Variants in PIGB observed in about 807,000 individuals in gnomAD.
PIGB encodes the protein phosphatidylinositol glycan anchor biosynthesis class B.
In PIGB, 58 loss-of-function variants were observed where a neutral mutation model predicts 68.4. The observed-to-expected ratio is 0.85, with a 90% CI of 0.69 to 1.06. The LOEUF (loss-of-function observed/expected upper bound fraction) is 1.06, where lower values mean the gene tolerates loss of function less well. Ranked by LOEUF, PIGB falls within the 50% of genes least tolerant of loss-of-function variation. PIGB has a pLI of 0.00. For synonymous variants in PIGB, 219 were observed against 220.5 expected (o/e 0.99, Z 0.06); for missense variants, 634 against 655.8 (o/e 0.97, Z 0.36).
intron 11 of PIGB, 45 bp downstream of exon 11, chr15:55,355,023 C>T (rs557521271): frequency 6.7e-7 from 1 of 1,502,692 alleles, no homozygotes; most frequent in Non-Finnish European, 9.1e-7. Flanking sequence ...TTTAATTTTA[C>T]CCCAGGTTTA....
At chr15:55,334,414 C>T (rs983680745) in intron 6 of PIGB, among the ~76,000 whole-genome samples, 7 of 152,038 alleles carry the variant, frequency 4.6e-5, no homozygotes, top group Admixed American at 1.3e-4. Context: ...ACAGGAGGCT[C>T]GCAGAAATTT....
intron 1 of PIGB, 126 bp downstream of exon 1, chr15:55,319,539 A>G (rs545394517): frequency 4.7e-5 from 31 of 658,054 alleles, no homozygotes; most frequent in African/African-American, 4.6e-4. Flanking sequence ...AATGCTGGGA[A>G]ATGCTGGAAA....
At chr15:55,328,504 A>G (rs976704332) in intron 4 of PIGB, among the ~76,000 whole-genome samples, 6 of 152,222 alleles carry the variant, frequency 3.9e-5, no homozygotes, top group Non-Finnish European at 5.9e-5. Context: ...CAGGTATTCT[A>G]TTCCTTTGCA....
intron 3 of PIGB, chr15:55,324,797 G>C (rs552926590): frequency 3.0e-6 from 3 of 985,110 alleles, no homozygotes; most frequent in South Asian, 9.4e-5. Flanking sequence ...GGGAAGTAAG[G>C]ATGAAGCTTA....
At chr15:55,348,775 C>T (rs983549526) in intron 9 of PIGB, among the ~76,000 whole-genome samples, 1 of 152,128 alleles carries the variant, frequency 6.6e-6, no homozygotes, top group African/African-American at 2.4e-5. Context: ...CTCAGGTATT[C>T]CAGTATAGCA....
chr15:55,319,379 C>G lies in PIGB; in HGVS notation c.129C>G (p.Phe43Leu). 1 of 1,554,000 alleles carries G rather than the reference C, an allele frequency of 6.4e-7. No homozygotes were observed. Among genetic ancestry groups the G allele is most frequent in the East Asian group, 2.4e-5 (1 of 41,240 alleles). ...GAAAGAGAAAGTCTACCTTGTACTT[C>G]AACACCCAGGAGAAGAGCGCCAGGC... Reference protein sequence around the residue: ...KLRKRKSTLYFNTQEKSARRR... With the variant: ...KLRKRKSTLYLNTQEKSARRR... The change falls in exon 1 of 12, where the codon TTC (phenylalanine) becomes TTG (leucine). Residue 43 changes from phenylalanine to leucine, a missense_variant. Phe to Leu is a conservative substitution (Grantham distance 22). Coordinates refer to ENST00000164305, the MANE Select transcript of PIGB (RefSeq NM_004855.5).
At chr15:55,337,992 T>TGGTTACCTTTGGGAAGAGGAAG (rs1278585538) in intron 6 of PIGB, among the ~76,000 whole-genome samples, 3 of 152,212 alleles carry the variant, frequency 2.0e-5, no homozygotes, top group African/African-American at 7.2e-5. Context: ...ATTAGGATAG[T>TGGTTACCTTTGGGAAGAGGAAG]GGTTACCTTT....
In PIGB at chr15:55,355,600, C is replaced by T; in HGVS notation, c.*168C>T. The T allele has an allele frequency of 2.2e-6, 1 of 455,754 alleles. No individual in the cohort carries two copies. The allele number at this position is 455,754 out of a possible 1,614,324, so 28.2% of individuals were successfully genotyped here. On this transcript the variant is annotated 3_prime_UTR_variant, in exon 12 of 12. Coordinates refer to ENST00000164305, the MANE Select transcript of PIGB (RefSeq NM_004855.5). ...TAAAATACCACATAGTATAAAATTA[C>T]ATGTTAATACAATGCCAGATTTTAA...
At chr15:55,321,912 C>T (rs2055176600) in intron 3 of PIGB, among the ~76,000 whole-genome samples, 1 of 148,242 alleles carries the variant, frequency 6.7e-6, no homozygotes, top group Non-Finnish European at 1.5e-5. Flanking sequence ...CGGTGGCTCA[C>T]ACCTGTAATC....
chr15:55,353,901 G>A (rs984560594), intron 10 of PIGB, among the ~76,000 whole-genome samples: 6 of 151,652 alleles, frequency 4.0e-5, no homozygotes, highest in African/African-American at 1.2e-4. Context: ...CACTGCACCC[G>A]GCCTACTCTA....
At chr15:55,331,236 T>C (rs1393341705) in intron 5 of PIGB, among the ~76,000 whole-genome samples, 1 of 152,158 alleles carries the variant, frequency 6.6e-6, no homozygotes, top group Non-Finnish European at 1.5e-5. Context: ...GACATAACTT[T>C]ATTTCACACT....
chr15:55,323,945 T>G (rs2055220815), intron 3 of PIGB, among the ~76,000 whole-genome samples: 1 of 152,216 alleles, frequency 6.6e-6, no homozygotes, highest in African/African-American at 2.4e-5. Flanking sequence ...TGGAGTGCAG[T>G]GGCACCATCT....
Position 55,350,807 on chromosome 15 carries a change from C to G in PIGB, c.1232C>G (p.Thr411Ser), listed in dbSNP as rs997137603. 1 of 1,605,146 alleles carries G rather than the reference C, an allele frequency of 6.2e-7. No individual in the cohort carries two copies. Among genetic ancestry groups the G allele is most frequent in the African/African-American group, 1.3e-5 (1 of 74,734 alleles). ...LYTGLVHQRG[T>S]LDVMSHIQKV... ...ACTGGTTTAGTTCATCAACGAGGTA[C>G]TCTTGATGTCATGAGTCATATTCAA... Residue 411 changes from threonine to serine, a missense_variant, in exon 10 of 12, where the codon ACT becomes AGT. Physicochemically the swap from Thr to Ser is moderately conservative, Grantham distance 58. Transcript: ENST00000164305.
At chr15:55,342,288 T>G (rs1436453751) in intron 9 of PIGB, among the ~76,000 whole-genome samples, 1 of 152,258 alleles carries the variant, frequency 6.6e-6, no homozygotes, top group Non-Finnish European at 1.5e-5. Context: ...AGGGTCTTCA[T>G]TTTCACAAAG....
chr15:55,352,193 C>T (rs552852116), intron 10 of PIGB, among the ~76,000 whole-genome samples: 3 of 152,010 alleles, frequency 2.0e-5, no homozygotes, highest in Non-Finnish European at 4.4e-5. Flanking sequence ...GGTGATCCGC[C>T]CACCTCAGCC....
intron 6 of PIGB, 35 bp downstream of exon 6, chr15:55,334,042 T>C (rs1286482143): frequency 6.8e-7 from 1 of 1,472,972 alleles, no homozygotes; most frequent in Non-Finnish European, 9.2e-7. Flanking sequence ...TTTATTTTAG[T>C]AGCCTACAAA....
intron 10 of PIGB, among the ~76,000 whole-genome samples, chr15:55,351,367 A>G (rs978668597): frequency 6.6e-6 from 1 of 151,800 alleles, no homozygotes; most frequent in Non-Finnish European, 1.5e-5. Context: ...CTGGCCTCCC[A>G]AAGTGCGGGG....
chr15:55,346,040 A>G (rs1452697048), intron 9 of PIGB, among the ~76,000 whole-genome samples: 1 of 152,190 alleles, frequency 6.6e-6, no homozygotes, highest in African/African-American at 2.4e-5. Context: ...CCAGGATGGA[A>G]TCAGCAATGT....
intron 9 of PIGB, chr15:55,349,537 T>C (rs2055878500): frequency 6.6e-6 from 1 of 152,226 alleles, no homozygotes; most frequent in African/African-American, 2.4e-5. Flanking sequence ...GTGATAGGCT[T>C]AGTTTTCTTA....
Sources: gnomAD v4.1 joint callset for allele counts (sites outside exome capture counted in the v4.1 genomes callset) on GRCh38, gnomAD v4.1.1 for gene constraint, MANE v1.5 for transcripts, NCBI Gene and HGNC (gene_info 2026-07-23, HGNC 2026-07-21) for gene names.